TANK: variants seen among roughly 807,000 people sequenced by gnomAD.
TANK encodes TRAF family member associated NFKB activator, also known as TRAF family member-associated NF-kappa-B activator.
A neutral mutation model predicts 43.6 loss-of-function variants in TANK; 15 were observed. That is an observed-to-expected ratio of 0.34 (90% CI 0.23 to 0.53). The LOEUF (loss-of-function observed/expected upper bound fraction) is 0.53. TANK is among the 20% of genes least tolerant of loss of function. The pLI, the probability that TANK is intolerant of heterozygous loss-of-function variation, is 0.94. For synonymous variants in TANK, 162 were observed against 178.2 expected (o/e 0.91, Z 0.73); for missense variants, 417 against 498.6 (o/e 0.84, Z 1.56).
intron 4 of TANK, chr2:161,208,198 G>GA (rs1288482879): frequency 1.0e-6 from 1 of 985,228 alleles, no homozygotes; most frequent in Non-Finnish European, 1.2e-6. Flanking sequence ...GGCTGCCTTG[G>GA]AAAAAAGAGA....
chr2:161,139,899 G>GTTA, intron 1 of TANK: 2 of 984,322 alleles, frequency 2.0e-6, no homozygotes, highest in Non-Finnish European at 2.4e-6. Flanking sequence ...ACTGTGGTAA[G>GTTA]CAAAATGTGT....
At position 161,186,279 on chromosome 2, in the gene TANK, C is replaced by G. The variant is rs1685661547; in HGVS notation, c.99+6518C>G. Among the ~76,000 whole-genome samples, 2 of 152,262 alleles carry G rather than the reference C, an allele frequency of 1.3e-5. 1 individual carries two copies. Among genetic ancestry groups the G allele is most frequent in the South Asian group, 4.1e-4 (2 of 4,832 alleles). On this transcript the variant is annotated intron_variant, in intron 2 of 7. Coordinates refer to ENST00000392749, the MANE Select transcript of TANK (RefSeq NM_001199135.3). ...CAGACAGTCCATTTATCTCCTACCA[C>G]TCTATTCTCTCACAGCCTTTCTACC... is the stretch of plus-strand genomic sequence containing the variant.
chr2:161,151,673 C>T (rs1249171270), intron 1 of TANK, among the ~76,000 whole-genome samples: 1 of 152,034 alleles, frequency 6.6e-6, no homozygotes, highest in Non-Finnish European at 1.5e-5. Context: ...AAATTAAGTC[C>T]TTTGCAGATA....
intron 1 of TANK, among the ~76,000 whole-genome samples, chr2:161,169,764 G>GC (rs143427380): frequency 0.023 from 3,462 of 152,222 alleles, 60 homozygotes; most frequent in Non-Finnish European, 0.036. Flanking sequence ...TTGTGCTTTA[G>GC]CAACAGAGAC....
At chr2:161,203,395 G>A in intron 2 of TANK, 92 bp from the exon 3 acceptor site, 2 of 793,846 alleles carry the variant, frequency 2.5e-6, no homozygotes, top group Non-Finnish European at 4.1e-6. Flanking sequence ...GACAATGTGG[G>A]CAACTCATAT....
upstream of TANK, among the ~76,000 whole-genome samples, chr2:161,159,886 T>C (rs1684328231): frequency 6.6e-6 from 1 of 152,154 alleles, no homozygotes; most frequent in Non-Finnish European, 1.5e-5. Flanking sequence ...ATACTACCAG[T>C]TGGGGAGAAA....
At chr2:161,140,813 G>T (rs542318894) in intron 1 of TANK, among the ~76,000 whole-genome samples, 2 of 150,324 alleles carry the variant, frequency 1.3e-5, no homozygotes, top group Middle Eastern at 3.4e-3. Context: ...GATAGTAAGG[G>T]TTTTTTTTTA....
rs778987735 is a variant in TANK at position 161,235,550 on chromosome 2, A to G, written c.*32A>G. Reference sequence around the variant, plus strand: ...TTTGAAAACAGACATATCAAGTTCTATGTGATGATTTTGGGTTTTTAATAC... The same window carrying G: ...TTTGAAAACAGACATATCAAGTTCTGTGTGATGATTTTGGGTTTTTAATAC... On this transcript the variant is annotated 3_prime_UTR_variant, in exon 8 of 8. Transcript: ENST00000392749. The G allele has an allele frequency of 2.3e-5, 36 of 1,560,758 alleles. No individual in the cohort carries two copies. The highest frequency in any genetic ancestry group is 2.8e-5 in the Non-Finnish European group (32 of 1,151,830).
At chr2:161,150,602 T>TTC (rs1449293106) in intron 1 of TANK, among the ~76,000 whole-genome samples, 11 of 141,182 alleles carry the variant, frequency 7.8e-5, no homozygotes, top group Non-Finnish European at 4.5e-5. Flanking sequence ...TTTTTTTTTT[T>TTC]TTTTTTTCTT....
chr2:161,155,033 CA>C (rs944944082), intron 1 of TANK, among the ~76,000 whole-genome samples: 7 of 152,158 alleles, frequency 4.6e-5, no homozygotes, highest in African/African-American at 1.4e-4. Flanking sequence ...GTGTGAGCTA[CA>C]ATGTGCAGCC....
chr2:161,142,394 C>T (rs1419984526), intron 1 of TANK, among the ~76,000 whole-genome samples: 1 of 152,134 alleles, frequency 6.6e-6, no homozygotes, highest in Non-Finnish European at 1.5e-5. Context: ...GAAATCTTTG[C>T]CCATGCCTAT....
chr2:161,162,354 T>C (rs1684481658), intron 1 of TANK, among the ~76,000 whole-genome samples: 1 of 152,128 alleles, frequency 6.6e-6, no homozygotes. Context: ...ATTAAAATAC[T>C]CTTTTTGGGA....
intron 1 of TANK, among the ~76,000 whole-genome samples, chr2:161,145,210 A>ATGTGTGTCTT (rs1683875740): frequency 8.9e-6 from 1 of 112,146 alleles, no homozygotes; most frequent in African/African-American, 3.6e-5. Context: ...TTTTGAGCCT[A>ATGTGTGTCTT]TGTGTGTCTT....
chr2:161,137,257 G>A lies in TANK; in HGVS notation c.-50+194G>A. Reference sequence around the variant, plus strand: ...TTTAAAAAATGGCTGGACGTGGTGGGTCATGCCTATAATCCTAGCACTTTG... The same window carrying A: ...TTTAAAAAATGGCTGGACGTGGTGGATCATGCCTATAATCCTAGCACTTTG... On this transcript the variant is annotated intron_variant, in intron 1 of 7. Coordinates refer to the TANK transcript ENST00000259075. The A allele has an allele frequency of 3.0e-6, 3 of 985,076 alleles. 1 individual carries two copies. The highest frequency in any genetic ancestry group is 4.7e-5 in the South Asian group (1 of 21,288). 61.0% of individuals were successfully genotyped at this position (985,076 alleles called of 1,614,324 possible).
intron 1 of TANK, among the ~76,000 whole-genome samples, chr2:161,152,609 G>C (rs1684110645): frequency 6.6e-6 from 1 of 152,056 alleles, no homozygotes; most frequent in Non-Finnish European, 1.5e-5. Flanking sequence ...AAAATTGAGA[G>C]TATCTGTACA....
intron 4 of TANK, among the ~76,000 whole-genome samples, chr2:161,211,417 TTTG>T (rs1486608591): frequency 6.6e-6 from 1 of 152,206 alleles, no homozygotes; most frequent in Non-Finnish European, 1.5e-5. Flanking sequence ...TCCACATTTG[TTTG>T]TTAAGTTGCT....
intron 1 of TANK, among the ~76,000 whole-genome samples, chr2:161,147,042 G>A (rs1427875402): frequency 6.6e-6 from 1 of 152,156 alleles, no homozygotes; most frequent in Non-Finnish European, 1.5e-5. Flanking sequence ...AGTTCCTGCA[G>A]GGAGGCCCCG....
At chr2:161,211,712 A>C (rs995946720) in intron 4 of TANK, 2 of 976,730 alleles carry the variant, frequency 2.0e-6, no homozygotes, top group Non-Finnish European at 2.4e-6. Flanking sequence ...TTAATGTTTA[A>C]TCTTTTCTAT....
intron 1 of TANK, among the ~76,000 whole-genome samples, chr2:161,167,259 A>G (rs1242590364): frequency 6.6e-6 from 1 of 152,218 alleles, no homozygotes; most frequent in East Asian, 1.9e-4. Flanking sequence ...GTGGAATTCC[A>G]ATGTATATAT....
Sources: allele counts gnomAD v4.1 joint callset (sites outside exome capture counted in the v4.1 genomes callset), GRCh38; gene constraint gnomAD v4.1.1; transcripts MANE v1.5; gene names NCBI Gene and HGNC (gene_info 2026-07-23, HGNC 2026-07-21).